The following HPCAL1 variants were observed in gnomAD, a reference collection of about 807,000 sequenced individuals.
HPCAL1 encodes hippocalcin-like protein 1.
Under a neutral mutation model 17.1 loss-of-function variants are expected in HPCAL1, and 8 were observed. The observed-to-expected ratio is 0.47, with a 90% CI of 0.27 to 0.84. The LOEUF is 0.84. Among genes scored for constraint, HPCAL1 ranks in the 40% least tolerant of loss-of-function variants. The pLI, the probability that HPCAL1 is intolerant of heterozygous loss-of-function variation, is 0.13. For synonymous variants in HPCAL1, 112 were observed against 111.4 expected (o/e 1.01, Z -0.03); for missense variants, 165 against 271.1 (o/e 0.61, Z 2.75).
At chr2:10,401,246 C>A (rs917566993) in intron 2 of HPCAL1, among the ~76,000 whole-genome samples, 1 of 152,182 alleles carries the variant, frequency 6.6e-6, no homozygotes, top group African/African-American at 2.4e-5. Context: ...CATCCAGCAC[C>A]ACACCAGGCA....
Position 10,331,511 on chromosome 2 carries a change from G to C in HPCAL1, c.-111+28334G>C, listed in dbSNP as rs1417354801. ...CTGGTGGAACGGATGCAGCAGCGAG[G>C]TTTTCCGGGGCAGGAACACCCTCCC... On this transcript the variant is annotated intron_variant, in intron 1 of 4. Coordinates refer to ENST00000307845, the MANE Select transcript of HPCAL1 (RefSeq NM_002149.4). This position sits in a 1 kb window ranked among gnomAD's most constrained non-coding sequence, Gnocchi z 5.0. Among the ~76,000 whole-genome samples, 1 of 152,204 alleles carries C rather than the reference G, an allele frequency of 6.6e-6. No homozygotes were observed. The highest frequency in any genetic ancestry group is 1.5e-5 in the Non-Finnish European group (1 of 68,036).
chr2:10,397,476 C>T (rs1408761786), intron 2 of HPCAL1, among the ~76,000 whole-genome samples: 1 of 151,214 alleles, frequency 6.6e-6, no homozygotes, highest in East Asian at 2.0e-4. Flanking sequence ...CGTAGGCTGC[C>T]GGGCCCAGGG....
chr2:10,321,603 G>A (rs960984795), intron 1 of HPCAL1, among the ~76,000 whole-genome samples: 1 of 152,118 alleles, frequency 6.6e-6, no homozygotes, highest in Non-Finnish European at 1.5e-5. Flanking sequence ...AAATCTCATA[G>A]CCATTAGCAG....
At chr2:10,391,193 C>T (rs73163037) in intron 1 of HPCAL1, among the ~76,000 whole-genome samples, 3,682 of 152,030 alleles carry the variant, frequency 0.024, 142 homozygotes, top group African/African-American at 0.082. Flanking sequence ...GCTCCAGCAC[C>T]TTCCTGGGGG....
chr2:10,333,776 C>T (rs1336701945), intron 1 of HPCAL1, among the ~76,000 whole-genome samples: 1 of 152,198 alleles, frequency 6.6e-6, no homozygotes, highest in Non-Finnish European at 1.5e-5. Context: ...GCATTCTGAG[C>T]TATACCCCTC....
At chr2:10,318,081 A>T (rs1663431815) in intron 1 of HPCAL1, among the ~76,000 whole-genome samples, 1 of 152,198 alleles carries the variant, frequency 6.6e-6, no homozygotes, top group South Asian at 2.1e-4. Context: ...ACATGAAAAA[A>T]ATCCTATTTG....
At chr2:10,308,296 T>A (rs6716563) in intron 1 of HPCAL1, among the ~76,000 whole-genome samples, 100,430 of 152,006 alleles carry the variant, frequency 0.66, 33,329 homozygotes, top group East Asian at 0.82. Context: ...TCATAAAGCA[T>A]GCCCATTCTA....
At chr2:10,420,224 T>C in intron 3 of HPCAL1, 89 bp downstream of exon 3, 2 of 1,243,010 alleles carry the variant, frequency 1.6e-6, no homozygotes, top group Non-Finnish European at 2.2e-6. Context: ...TTTTTTTTTT[T>C]TTTTTTTAAG....
At chr2:10,337,782 G>A (rs371364914) in intron 1 of HPCAL1, among the ~76,000 whole-genome samples, 10 of 152,100 alleles carry the variant, frequency 6.6e-5, no homozygotes, top group African/African-American at 2.2e-4. Context: ...CTTGTGCCCC[G>A]TTTTTCACAG....
In HPCAL1 at chr2:10,304,360, C is replaced by T. The variant is rs1333303129; in HGVS notation, c.-111+1183C>T. Reference sequence around the variant, plus strand: ...TGGCGCTTCCCGCACATGCAGATCTCGGGCTCCCGGGGTGTCCCGGCCGCC... The same window carrying T: ...TGGCGCTTCCCGCACATGCAGATCTTGGGCTCCCGGGGTGTCCCGGCCGCC... On this transcript the variant is annotated intron_variant, in intron 1 of 4. Transcript: ENST00000307845. The surrounding 1 kb of genome is among the most constrained non-coding windows in gnomAD (Gnocchi z 4.1). Among the ~76,000 whole-genome samples the T allele has an allele frequency of 2.6e-5, 4 of 152,224 alleles. No homozygotes were observed. The highest frequency in any genetic ancestry group is 2.1e-4 in the South Asian group (1 of 4,836).
intron 1 of HPCAL1, among the ~76,000 whole-genome samples, chr2:10,317,567 A>G (rs1663398816): frequency 6.6e-6 from 1 of 152,036 alleles, no homozygotes; most frequent in Non-Finnish European, 1.5e-5. Context: ...ACCGGGATGC[A>G]CCACCATGCC....
Position 10,393,133 on chromosome 2 carries a change from G to A in HPCAL1, c.-110-3702G>A, listed in dbSNP as rs143548968. On this transcript the variant is annotated intron_variant, in intron 1 of 4. Transcript: ENST00000307845. The stretch of plus-strand genomic sequence containing the variant: ...AGGCATGGCAATTTGTAAGACAATC[G>A]CCAGACAGAAATCGGGAGCAACCAG... 1.5e-3 allele frequency among the ~76,000 whole-genome samples: 234 copies of A among 152,304 alleles called. 2 individuals carry two copies. Among genetic ancestry groups the A allele is most frequent in the African/African-American group, 4.2e-3 (176 of 41,572 alleles).
chr2:10,371,379 G>A (rs991451146), intron 1 of HPCAL1, among the ~76,000 whole-genome samples: 4 of 131,314 alleles, frequency 3.0e-5, no homozygotes, highest in Admixed American at 9.1e-5. Context: ...TAAATCATTC[G>A]CCCTGTTCAC....
rs1291770542 is a variant in HPCAL1 at position 10,344,304 on chromosome 2, C to A, written c.-111+41127C>A. Among the ~76,000 whole-genome samples the A allele has an allele frequency of 6.6e-6, 1 of 152,126 alleles. No individual in the cohort carries two copies. The highest frequency in any genetic ancestry group is 2.1e-4 in the South Asian group (1 of 4,830). ...GCAGCCCTGAGCCAAGGATTAATTA[C>A]GTAACAAGCCCAGATCCCATCCCTG... On this transcript the variant is annotated intron_variant, in intron 1 of 4. Transcript: ENST00000307845. The surrounding 1 kb of genome is among the most constrained non-coding windows in gnomAD (Gnocchi z 4.9).
chr2:10,426,421 A>G (rs1671410982), intron 4 of HPCAL1: 2 of 366,204 alleles, frequency 5.5e-6, no homozygotes, highest in Non-Finnish European at 1.0e-5. Context: ...CACGTTCCTT[A>G]ATAAGCGAAG....
At chr2:10,380,693 G>A (rs1166290025) in intron 1 of HPCAL1, among the ~76,000 whole-genome samples, 1 of 151,886 alleles carries the variant, frequency 6.6e-6, no homozygotes, top group Non-Finnish European at 1.5e-5. Flanking sequence ...CACTCTTCAA[G>A]TCTCTGTTTA....
Position 10,310,251 on chromosome 2 carries a change from C to A in HPCAL1, c.-111+7074C>A, listed in dbSNP as rs16856091. Among the ~76,000 whole-genome samples the A allele has an allele frequency of 6.6e-6, 1 of 152,002 alleles. No individual in the cohort carries two copies. The highest frequency in any genetic ancestry group is 1.5e-5 in the Non-Finnish European group (1 of 68,016). The stretch of plus-strand genomic sequence containing the variant: ...GTCATGTGCAGAAAGGGGTTCTAGG[C>A]GCAGCTCAGACGTAGATGGGGACGC... On this transcript the variant is annotated intron_variant, in intron 1 of 4. Transcript: ENST00000307845. The surrounding 1 kb of genome is among the most constrained non-coding windows in gnomAD (Gnocchi z 4.5).
At chr2:10,399,688 G>A (rs1449144443) in intron 2 of HPCAL1, among the ~76,000 whole-genome samples, 1 of 151,880 alleles carries the variant, frequency 6.6e-6, no homozygotes, top group Non-Finnish European at 1.5e-5. Flanking sequence ...TCAGGTGATG[G>A]GCACTGGAAG....
chr2:10,309,105 G>A (rs1180193463), intron 1 of HPCAL1, among the ~76,000 whole-genome samples: 1 of 151,886 alleles, frequency 6.6e-6, no homozygotes, highest in Non-Finnish European at 1.5e-5. Flanking sequence ...TGTGATCCCA[G>A]CTCACTGCAG....
Sources: allele counts gnomAD v4.1 joint callset (sites outside exome capture counted in the v4.1 genomes callset), GRCh38; gene constraint gnomAD v4.1.1; non-coding constraint Gnocchi (gnomAD v3.1); transcripts MANE v1.5; gene names NCBI Gene and HGNC (gene_info 2026-07-23, HGNC 2026-07-21).